Variants in SMYD4 observed in about 807,000 individuals in gnomAD.
SMYD4 encodes the protein SET and MYND domain containing 4, also known as protein-lysine N-methyltransferase SMYD4.
SMYD4 carries 68 observed loss-of-function variants against 72.8 expected under a neutral mutation model. That is an observed-to-expected ratio of 0.93 (90% CI 0.77 to 1.14). SMYD4 has a LOEUF of 1.14. Ranked by LOEUF, SMYD4 falls within the 50% of genes most tolerant of loss-of-function variation. SMYD4 has a pLI of 0.00. For synonymous variants in SMYD4, 407 were observed against 388.6 expected (o/e 1.05, Z -0.56); for missense variants, 984 against 1,003.7 (o/e 0.98, Z 0.27).
At chr17:1,802,166 T>C (rs2151236504) in intron 4 of SMYD4, among the ~76,000 whole-genome samples, 1 of 152,164 alleles carries the variant, frequency 6.6e-6, no homozygotes, top group Middle Eastern at 3.4e-3. Flanking sequence ...TGGAACACAG[T>C]ATGTGCTCAA....
intron 9 of SMYD4, 27 bp from the exon 10 acceptor site, chr17:1,783,185 A>G: frequency 1.9e-6 from 3 of 1,613,960 alleles, no homozygotes; most frequent in Non-Finnish European, 1.7e-6. Context: ...ATCTTGTTCC[A>G]GAAAAGAACC....
intron 4 of SMYD4, among the ~76,000 whole-genome samples, chr17:1,801,648 A>C (rs1239270426): frequency 7.4e-6 from 1 of 134,534 alleles, no homozygotes; most frequent in South Asian, 2.3e-4. Context: ...AAAAAAAAAG[A>C]GGCAGGCTTT....
chr17:1,814,489 G>C (rs1910487841), intron 2 of SMYD4: 1 of 152,044 alleles, frequency 6.6e-6, no homozygotes, highest in South Asian at 2.1e-4. Flanking sequence ...AACAAAGTTA[G>C]TATCAAATAT....
intron 2 of SMYD4, among the ~76,000 whole-genome samples, chr17:1,827,464 A>G (rs1911250342): frequency 6.6e-6 from 1 of 152,224 alleles, no homozygotes; most frequent in South Asian, 2.1e-4. Context: ...ATATAAAGGA[A>G]AATCACACAG....
intron 8 of SMYD4, 94 bp downstream of exon 8, chr17:1,784,232 C>T: frequency 6.5e-7 from 1 of 1,534,384 alleles, no homozygotes; most frequent in Non-Finnish European, 8.9e-7. Flanking sequence ...ACATCCAATT[C>T]TCCCATCAGT....
At chr17:1,826,544 C>A (rs7207474) in intron 2 of SMYD4, among the ~76,000 whole-genome samples, 103,480 of 142,554 alleles carry the variant, frequency 0.73, 37,815 homozygotes, top group Non-Finnish European at 0.8. Flanking sequence ...GAAATGAAGA[C>A]TAACAAAAAA....
intron 2 of SMYD4, among the ~76,000 whole-genome samples, chr17:1,824,808 A>T (rs1911080182): frequency 6.6e-6 from 1 of 151,746 alleles, no homozygotes; most frequent in Non-Finnish European, 1.5e-5. Flanking sequence ...CATTTTTAGT[A>T]GAGATGGGGT....
At chr17:1,788,756 A>G (rs1038492893) in intron 5 of SMYD4, among the ~76,000 whole-genome samples, 1 of 152,078 alleles carries the variant, frequency 6.6e-6, no homozygotes, top group African/African-American at 2.4e-5. Flanking sequence ...AAAAAAAAAA[A>G]TTTGTTCATT....
chr17:1,787,313 G>T, intron 6 of SMYD4, 109 bp downstream of exon 6: 1 of 1,395,326 alleles, frequency 7.2e-7, no homozygotes, highest in Non-Finnish European at 9.9e-7. Context: ...CCTCTTCCAG[G>T]AAGCAGACAG....
chr17:1,787,041 A>G, intron 6 of SMYD4, 68 bp from the exon 7 acceptor site: 1 of 1,570,624 alleles, frequency 6.4e-7, no homozygotes, highest in African/African-American at 1.4e-5. Flanking sequence ...AAAAACCTTC[A>G]GCTTAGCAGA....
In SMYD4 at chr17:1,779,809, TTTC is replaced by T. The variant is rs1908277445; in HGVS notation, c.*1474_*1476del. On this transcript the variant is annotated 3_prime_UTR_variant, in exon 11 of 11. Coordinates refer to ENST00000305513, the MANE Select transcript of SMYD4 (RefSeq NM_052928.3). ...CTCTGGAGGTAAGCAGGCTTGCTGATTTCTTGTTTTATAATTCTTTTTTAATTA... is the reference window on the plus strand; with the variant it reads ...CTCTGGAGGTAAGCAGGCTTGCTGATTTGTTTTATAATTCTTTTTTAATTA... 1 of 152,582 alleles carries T rather than the reference TTTC, an allele frequency of 6.6e-6. No homozygotes were observed. 9.5% of individuals were successfully genotyped at this position (152,582 alleles called of 1,614,324 possible).
chr17:1,811,215 TC>T (rs1207184680), intron 3 of SMYD4, among the ~76,000 whole-genome samples: 20 of 152,170 alleles, frequency 1.3e-4, no homozygotes, highest in African/African-American at 4.3e-4. Context: ...ATCTATATGC[TC>T]CCCTAGAGGT....
intron 5 of SMYD4, among the ~76,000 whole-genome samples, chr17:1,792,954 C>T (rs1401017301): frequency 6.6e-6 from 1 of 151,900 alleles, no homozygotes; most frequent in African/African-American, 2.4e-5. Context: ...ATTTTTTAGA[C>T]AGGGTCTCAC....
Position 1,779,727 on chromosome 17 carries a change from T to G in SMYD4, c.*1559A>C, listed in dbSNP as rs1421841066. On this transcript the variant is annotated 3_prime_UTR_variant, in exon 11 of 11. Transcript: ENST00000305513. Reference sequence around the variant, plus strand: ...TTACTTCTCTGGTCACGGTTCATACTCCACGATTTTAACAAAGGAGTCGAG... The same window carrying G: ...TTACTTCTCTGGTCACGGTTCATACGCCACGATTTTAACAAAGGAGTCGAG... The G allele has an allele frequency of 6.6e-6, 1 of 152,370 alleles. No individual in the cohort carries two copies. 9.4% of individuals were successfully genotyped at this position (152,370 alleles called of 1,614,324 possible).
chr17:1,794,081 GTATATATATATATATATATA>G (rs1226883815), intron 5 of SMYD4, among the ~76,000 whole-genome samples: 3 of 17,116 alleles, frequency 1.8e-4, no homozygotes, highest in Non-Finnish European at 3.3e-4. Context: ...ATATATATGT[GTATATATATATATATATATA>G]TATATTTTTT....
intron 3 of SMYD4, among the ~76,000 whole-genome samples, chr17:1,807,424 C>T (rs187970042): frequency 8.6e-5 from 13 of 151,906 alleles, no homozygotes; most frequent in African/African-American, 1.2e-4. Flanking sequence ...TACCGCCCCC[C>T]CCGGCCCCCA....
Position 1,781,362 on chromosome 17 carries a change from T to C in SMYD4, c.2339A>G (p.Asp780Gly). ...CATCTTCTGGAGCTCCTGGATTTCA[T>C]CGTCCCATGGGCCACAGTGCAGCGA... ...VLSLHCGPWD[D>G]EIQELQKMKS... is the part of the protein sequence containing the mutation. The change falls in exon 11 of 11, where the codon GAT becomes GGT. Residue 780 changes from aspartate to glycine, a missense_variant. Asp to Gly is a moderately conservative substitution (Grantham distance 94). Coordinates refer to ENST00000305513, the MANE Select transcript of SMYD4 (RefSeq NM_052928.3). 6.2e-7 allele frequency: 1 copy of C among 1,614,096 alleles called. No homozygotes were observed. The highest frequency in any genetic ancestry group is 1.7e-5 in the Admixed American group (1 of 60,002).
chr17:1,826,491 C>CAAAAAAAAAAAAAAAA (rs111636314), intron 2 of SMYD4, among the ~76,000 whole-genome samples: 14 of 103,118 alleles, frequency 1.4e-4, no homozygotes, highest in African/African-American at 2.2e-4. Flanking sequence ...AAACTCTGTC[C>CAAAAAAAAAAAAAAAA]AAAAAAAAAA....
intron 5 of SMYD4, among the ~76,000 whole-genome samples, chr17:1,794,215 G>T (rs1194707239): frequency 1.6e-5 from 2 of 122,916 alleles, no homozygotes; most frequent in East Asian, 2.5e-4. Flanking sequence ...GTTCACGCCA[G>T]TCTCCTGCCT....
Sources: gnomAD v4.1 joint callset for allele counts (sites outside exome capture counted in the v4.1 genomes callset) on GRCh38, gnomAD v4.1.1 for gene constraint, MANE v1.5 for transcripts, NCBI Gene and HGNC (gene_info 2026-07-23, HGNC 2026-07-21) for gene names.